GRB2: variants seen among roughly 807,000 people sequenced by gnomAD.
GRB2 encodes growth factor receptor bound protein 2, also known as growth factor receptor-bound protein 2.
A neutral mutation model predicts 27.4 loss-of-function variants in GRB2; 2 were observed. The observed-to-expected ratio is 0.07, with a 90% CI of 0.03 to 0.23. The LOEUF (loss-of-function observed/expected upper bound fraction) is 0.23. GRB2 is among the 10% of genes least tolerant of loss of function. The probability of loss-of-function intolerance (pLI) is 1.00; values close to 1 mark genes in which losing one functional copy is unlikely to be tolerated. For synonymous variants in GRB2, 94 were observed against 99.6 expected (o/e 0.94, Z 0.33); for missense variants, 102 against 282.4 (o/e 0.36, Z 4.58).
At chr17:75,338,881 C>T in intron 2 of GRB2, 2 of 815,912 alleles carry the variant, frequency 2.5e-6, no homozygotes, top group South Asian at 2.6e-5. Flanking sequence ...TGGCAAGCAT[C>T]AACCCCACAA....
In GRB2 at chr17:75,326,029, G is replaced by A. The variant is rs1332764273; in HGVS notation, c.177-9C>T. The A allele has an allele frequency of 1.2e-6, 2 of 1,614,058 alleles. No homozygotes were observed. The highest frequency in any genetic ancestry group is 2.2e-5 in the East Asian group (1 of 44,868). ...TTTTGCCAAAAAACCACCTAAGGAA[G>A]GAAGGCAAGCTGGTCAACATCTGCT... On this transcript the variant is annotated splice_polypyrimidine_tract_variant and intron_variant, in intron 3 of 5. Transcript: ENST00000316804.
At chr17:75,365,018 C>T (rs575163058) in intron 2 of GRB2, among the ~76,000 whole-genome samples, 2 of 152,114 alleles carry the variant, frequency 1.3e-5, no homozygotes, top group African/African-American at 4.8e-5. Context: ...GAGCCTAACA[C>T]CCAAACTTCT....
intron 2 of GRB2, among the ~76,000 whole-genome samples, chr17:75,346,253 G>T (rs2078654222): frequency 6.6e-6 from 1 of 150,948 alleles, no homozygotes; most frequent in Non-Finnish European, 1.5e-5. Flanking sequence ...CAGCACTTTG[G>T]GATGCCAAGG....
At chr17:75,321,855 C>T (rs771760687) in intron 4 of GRB2, 28 bp from the exon 5 acceptor site, 35 of 1,608,778 alleles carry the variant, frequency 2.2e-5, no homozygotes, top group South Asian at 1.7e-4. Flanking sequence ...CACATGTGAC[C>T]GGCTAAAGGC....
intron 2 of GRB2, among the ~76,000 whole-genome samples, chr17:75,385,462 CG>C (rs1371760265): frequency 5.9e-5 from 9 of 151,990 alleles, no homozygotes; most frequent in South Asian, 2.1e-4. Context: ...ACTTGAACCA[CG>C]GAAGTGGAGG....
At chr17:75,327,018 C>T (rs143810712) in intron 3 of GRB2, among the ~76,000 whole-genome samples, 264 of 151,368 alleles carry the variant, frequency 1.7e-3, no homozygotes, top group African/African-American at 5.3e-3. Context: ...ATCAAAAGTC[C>T]TTTTAATGGA....
chr17:75,389,584 C>T (rs1165177933), intron 2 of GRB2, among the ~76,000 whole-genome samples: 3 of 152,174 alleles, frequency 2.0e-5, no homozygotes, highest in Non-Finnish European at 4.4e-5. Context: ...CGGTGGCTCA[C>T]GCCTGTAATC....
chr17:75,404,537 A>G (rs926472410), intron 1 of GRB2, among the ~76,000 whole-genome samples: 51 of 151,150 alleles, frequency 3.4e-4, no homozygotes, highest in Non-Finnish European at 6.6e-4. Context: ...AGTACATTAG[A>G]AAAAAAGGGG....
intron 2 of GRB2, among the ~76,000 whole-genome samples, chr17:75,390,335 A>G (rs1348359852): frequency 1.3e-5 from 2 of 152,160 alleles, no homozygotes; most frequent in Non-Finnish European, 2.9e-5. Flanking sequence ...TAAGCCCCTA[A>G]ATGGCAGTTG....
chr17:75,353,856 T>C (rs2078710401), intron 2 of GRB2, among the ~76,000 whole-genome samples: 1 of 151,130 alleles, frequency 6.6e-6, no homozygotes, highest in Non-Finnish European at 1.5e-5. Context: ...CTGGCCAACA[T>C]GGAGAAACTC....
chr17:75,320,864 C>G lies in GRB2; in HGVS notation c.469-311G>C, dbSNP rs1057337987. On this transcript the variant is annotated intron_variant, in intron 5 of 5. Coordinates refer to ENST00000316804, the MANE Select transcript of GRB2 (RefSeq NM_002086.5). This position sits in a 1 kb window ranked among gnomAD's most constrained non-coding sequence, Gnocchi z 4.3. ...GGAGGAGAAAGTTCTTCAGAAACAGCCATCTGTGTTTAGGCCGTGGGCCCA... is the reference window on the plus strand; with the variant it reads ...GGAGGAGAAAGTTCTTCAGAAACAGGCATCTGTGTTTAGGCCGTGGGCCCA... Among the ~76,000 whole-genome samples the G allele has an allele frequency of 1.3e-5, 2 of 152,138 alleles. No homozygotes were observed. Among genetic ancestry groups the G allele is most frequent in the Non-Finnish European group, 2.9e-5 (2 of 68,042 alleles).
chr17:75,377,840 G>A (rs777719582), intron 2 of GRB2, among the ~76,000 whole-genome samples: 1 of 152,098 alleles, frequency 6.6e-6, no homozygotes, highest in Non-Finnish European at 1.5e-5. Flanking sequence ...CCGGGAGGCA[G>A]AGGTTGCAGT....
chr17:75,400,672 G>A (rs1051256578), intron 1 of GRB2, among the ~76,000 whole-genome samples: 1 of 151,506 alleles, frequency 6.6e-6, no homozygotes, highest in Non-Finnish European at 1.5e-5. Context: ...GTTTGTGTGT[G>A]TTTTTAATGT....
At chr17:75,358,994 C>A (rs1226311540) in intron 2 of GRB2, among the ~76,000 whole-genome samples, 1 of 146,712 alleles carries the variant, frequency 6.8e-6, no homozygotes, top group African/African-American at 2.5e-5. Context: ...GGGTGTATTA[C>A]CTGAGGTCAG....
chr17:75,375,821 C>T (rs559359289), intron 2 of GRB2, among the ~76,000 whole-genome samples: 4 of 151,076 alleles, frequency 2.6e-5, no homozygotes, highest in East Asian at 3.9e-4. Flanking sequence ...GTCAGGAGAT[C>T]GAGACCATCC....
chr17:75,332,517 T>C (rs2145826066), intron 3 of GRB2, among the ~76,000 whole-genome samples, 183 bp downstream of exon 3: 1 of 152,246 alleles, frequency 6.6e-6, no homozygotes, highest in East Asian at 1.9e-4. Flanking sequence ...CTAAAACATA[T>C]AATATTATTG....
At chr17:75,369,925 C>T (rs2078845241) in intron 2 of GRB2, among the ~76,000 whole-genome samples, 1 of 151,856 alleles carries the variant, frequency 6.6e-6, no homozygotes, top group African/African-American at 2.4e-5. Flanking sequence ...TGCAAATGTA[C>T]CTACCACTAC....
chr17:75,321,011 C>T (rs1052544997), intron 5 of GRB2, among the ~76,000 whole-genome samples: 1 of 152,016 alleles, frequency 6.6e-6, no homozygotes, highest in African/African-American at 2.4e-5. Context: ...GAACGGGTGC[C>T]GACCCCATTC....
chr17:75,385,220 GACAGAGC>G (rs2078956597), intron 2 of GRB2, among the ~76,000 whole-genome samples: 1 of 151,918 alleles, frequency 6.6e-6, no homozygotes, highest in African/African-American at 2.4e-5. Flanking sequence ...CAGCCTGGGT[GACAGAGC>G]AAGACCCTGT....
Sources: allele counts gnomAD v4.1 joint callset (sites outside exome capture counted in the v4.1 genomes callset), GRCh38; gene constraint gnomAD v4.1.1; non-coding constraint Gnocchi (gnomAD v3.1); transcripts MANE v1.5; gene names NCBI Gene and HGNC (gene_info 2026-07-23, HGNC 2026-07-21).